The following CPVL variants were observed in gnomAD, a reference collection of about 807,000 sequenced individuals.
CPVL encodes the protein probable serine carboxypeptidase CPVL.
In CPVL, 51 loss-of-function variants were observed where a neutral mutation model predicts 63.7. The ratio of observed to expected loss-of-function variants is 0.80; its 90% CI spans 0.64 to 1.01. The LOEUF is 1.01. Among genes scored for constraint, CPVL ranks in the 50% least tolerant of loss-of-function variants. The probability of loss-of-function intolerance (pLI) is 0.00; values close to 1 mark genes in which losing one functional copy is unlikely to be tolerated. For missense variants in CPVL, 530 were observed against 573.1 expected, an observed-to-expected ratio of 0.92 and a Z score of 0.77; for synonymous variants, 195 against 206.0, an observed-to-expected ratio of 0.95 and a Z score of 0.46.
intron 5 of CPVL, among the ~76,000 whole-genome samples, chr7:29,174,462 A>G (rs1797010352): frequency 6.6e-6 from 1 of 152,174 alleles, no homozygotes; most frequent in East Asian, 1.9e-4. Flanking sequence ...TGTCCAGACA[A>G]GGGACAGGTT....
chr7:29,181,938 T>C (rs1798108221), intron 4 of CPVL, among the ~76,000 whole-genome samples: 1 of 152,226 alleles, frequency 6.6e-6, no homozygotes, highest in Non-Finnish European at 1.5e-5. Flanking sequence ...ACTTATCTCT[T>C]TTTTGCCTCT....
intron 7 of CPVL, among the ~76,000 whole-genome samples, chr7:29,077,825 C>A (rs557351216): frequency 6.6e-6 from 1 of 152,118 alleles, no homozygotes; most frequent in African/African-American, 2.4e-5. Flanking sequence ...ACTGAACACC[C>A]CAGGAAAGCC....
intron 1 of CPVL, chr7:29,194,903 C>G: frequency 6.6e-7 from 1 of 1,505,432 alleles, no homozygotes; most frequent in Non-Finnish European, 8.8e-7. Context: ...GGCGTCCGCA[C>G]CGGGGCTGAG....
intron 11 of CPVL, among the ~76,000 whole-genome samples, chr7:29,058,214 T>G (rs1331893697): frequency 6.6e-6 from 1 of 152,168 alleles, no homozygotes; most frequent in African/African-American, 2.4e-5. Flanking sequence ...TTTTGCAGTT[T>G]TCCTAATATA....
At chr7:29,148,613 T>C (rs1285381038), upstream of CPVL, 1 of 152,268 alleles carries the variant, frequency 6.6e-6, no homozygotes, top group African/African-American at 2.4e-5. Flanking sequence ...TGTAAGTTTG[T>C]AGCATTTCGA....
At chr7:29,065,044 C>T (rs1783014749) in intron 10 of CPVL, among the ~76,000 whole-genome samples, 1 of 104,456 alleles carries the variant, frequency 9.6e-6, no homozygotes, top group African/African-American at 3.7e-5. Context: ...AAAAGTTGTC[C>T]ATGAAGCTTA....
intron 11 of CPVL, among the ~76,000 whole-genome samples, chr7:29,033,303 TG>T (rs1224128354): frequency 1.3e-5 from 2 of 152,010 alleles, no homozygotes; most frequent in Non-Finnish European, 2.9e-5. Context: ...GCTGGGTGAG[TG>T]GATGAGATAG....
intron 11 of CPVL, among the ~76,000 whole-genome samples, chr7:29,037,600 C>T (rs59158315): frequency 3.1e-4 from 47 of 149,706 alleles, no homozygotes; most frequent in African/African-American, 1.1e-3. Context: ...ACATATGAAT[C>T]GGGAGTATTT....
chr7:29,059,342 A>G (rs931814145), intron 11 of CPVL, among the ~76,000 whole-genome samples: 211 of 152,300 alleles, frequency 1.4e-3, no homozygotes, highest in African/African-American at 4.9e-3. Context: ...CATATTAATC[A>G]TAGATTTTTT....
At chr7:29,057,865 G>T (rs1218954416) in intron 11 of CPVL, among the ~76,000 whole-genome samples, 1 of 152,054 alleles carries the variant, frequency 6.6e-6, no homozygotes, top group Non-Finnish European at 1.5e-5. Context: ...CAACCTATTT[G>T]CCTATTCTTT....
intron 11 of CPVL, among the ~76,000 whole-genome samples, chr7:29,034,098 C>T (rs140907116): frequency 6.6e-6 from 1 of 152,144 alleles, no homozygotes; most frequent in African/African-American, 2.4e-5. Flanking sequence ...AATGTGGTTA[C>T]AATCCTTTTT....
chr7:29,068,727 C>T (rs1422381312), intron 9 of CPVL, among the ~76,000 whole-genome samples: 1 of 146,160 alleles, frequency 6.8e-6, no homozygotes. Flanking sequence ...TGGAGTCTCG[C>T]TCTGTCACCC....
intron 1 of CPVL, among the ~76,000 whole-genome samples, chr7:29,124,282 T>G (rs1789737153): frequency 6.6e-6 from 1 of 152,054 alleles, no homozygotes; most frequent in Non-Finnish European, 1.5e-5. Context: ...AAAAAGAAAA[T>G]TGTTAACCCT....
At chr7:29,094,422 T>C (rs996967288) in intron 5 of CPVL, among the ~76,000 whole-genome samples, 7 of 152,112 alleles carry the variant, frequency 4.6e-5, no homozygotes, top group Admixed American at 1.3e-4. Flanking sequence ...ATTAGACGAT[T>C]GTGAAAGATT....
At chr7:29,175,919 G>C (rs563049296) in intron 5 of CPVL, among the ~76,000 whole-genome samples, 25 of 152,302 alleles carry the variant, frequency 1.6e-4, no homozygotes, top group Admixed American at 4.6e-4. Flanking sequence ...GGGCGCGGTG[G>C]CTCATGCCTG....
chr7:29,143,553 T>G (rs960686018), intron 1 of CPVL, among the ~76,000 whole-genome samples: 3 of 152,080 alleles, frequency 2.0e-5, no homozygotes, highest in Non-Finnish European at 4.4e-5. Flanking sequence ...TACAAAAAGA[T>G]ATGTGGCACT....
chr7:29,154,561 C>T (rs942781193), intron 5 of CPVL, among the ~76,000 whole-genome samples: 4 of 152,142 alleles, frequency 2.6e-5, no homozygotes, highest in African/African-American at 7.2e-5. Context: ...AGGCTGGGCA[C>T]GGTGACTCAT....
chr7:29,095,079 C>T lies in CPVL; in HGVS notation c.462+5G>A. On this transcript the variant is annotated splice_donor_5th_base_variant and intron_variant, in intron 5 of 12. Transcript: ENST00000265394. The stretch of plus-strand genomic sequence containing the variant: ...TGACAGCTCACAGGGTCATCCCGGA[C>T]TTACTGGATTGTCAATGTAAAGCAT... 3 of 1,612,666 alleles carry T rather than the reference C, an allele frequency of 1.9e-6. No homozygotes were observed. Among genetic ancestry groups the T allele is most frequent in the Non-Finnish European group, 1.7e-6 (2 of 1,178,626 alleles).
At chr7:29,138,513 A>G (rs1791492254) in intron 1 of CPVL, among the ~76,000 whole-genome samples, 2 of 152,312 alleles carry the variant, frequency 1.3e-5, no homozygotes, top group African/African-American at 4.8e-5. Context: ...TAGAGTTGAA[A>G]TAGAACAAAG....
Sources: allele counts gnomAD v4.1 joint callset (sites outside exome capture counted in the v4.1 genomes callset), GRCh38; gene constraint gnomAD v4.1.1; transcripts MANE v1.5; gene names NCBI Gene and HGNC (gene_info 2026-07-23, HGNC 2026-07-21).